UTP20: variants seen among roughly 807,000 people sequenced by gnomAD.
The protein encoded by UTP20 is UTP20 small subunit processome component.
A neutral mutation model predicts 329.5 loss-of-function variants in UTP20; 164 were observed. That is an observed-to-expected ratio of 0.50 (90% CI 0.44 to 0.57). UTP20 has a LOEUF of 0.57. UTP20 is among the 20% of genes least tolerant of loss of function. The pLI, the probability that UTP20 is intolerant of heterozygous loss-of-function variation, is 0.00. For missense variants in UTP20, 3,055 were observed against 3,284.2 expected (o/e 0.93, Z 1.71); for synonymous variants, 1,151 against 1,159.3 (o/e 0.99, Z 0.14).
intron 45 of UTP20, 66 bp downstream of exon 45, chr12:101,363,809 A>G: frequency 9.3e-7 from 1 of 1,069,906 alleles, no homozygotes; most frequent in South Asian, 1.4e-5. Flanking sequence ...AAAAGGAACC[A>G]TGCGGGGCAA....
chr12:101,364,509 A>G (rs1369999008), intron 45 of UTP20, among the ~76,000 whole-genome samples: 1 of 152,190 alleles, frequency 6.6e-6, no homozygotes, highest in Non-Finnish European at 1.5e-5. Flanking sequence ...AAGTCAGGGT[A>G]TAGGGTTTAG....
intron 49 of UTP20, 124 bp from the exon 50 acceptor site, chr12:101,370,307 CA>C: frequency 8.3e-7 from 1 of 1,202,822 alleles, no homozygotes; most frequent in Non-Finnish European, 1.1e-6. Context: ...AGTAATTTGC[CA>C]AGGCTAGAGG....
intron 26 of UTP20, among the ~76,000 whole-genome samples, chr12:101,328,037 G>T (rs1868627998): frequency 6.6e-6 from 1 of 152,172 alleles, no homozygotes; most frequent in African/African-American, 2.4e-5. Flanking sequence ...AGACCTTTCT[G>T]GTTATGAAAC....
intron 14 of UTP20, among the ~76,000 whole-genome samples, chr12:101,301,923 T>TTTAG (rs765727636): frequency 1.6e-4 from 24 of 149,900 alleles, no homozygotes; most frequent in Non-Finnish European, 2.9e-4. Context: ...CTTCTGAGTA[T>TTTAG]TTATTTATTT....
rs1872801580 is a variant in UTP20, at chr12:101,311,802, T to C, written c.2311+4T>C. 1.9e-6 allele frequency: 3 copies of C among 1,604,772 alleles called. No homozygotes were observed. The highest frequency in any genetic ancestry group is 2.3e-5 in the South Asian group (2 of 88,344). Reference sequence around the variant, plus strand: ...GAAAAAGCAGCTACGCATGCTGGTATGTAAAGGGGTTGTGAGGAAGCTGCG... The same window carrying C: ...GAAAAAGCAGCTACGCATGCTGGTACGTAAAGGGGTTGTGAGGAAGCTGCG... On this transcript the variant is annotated splice_donor_region_variant and intron_variant, in intron 20 of 61. Coordinates refer to ENST00000261637, the MANE Select transcript of UTP20 (RefSeq NM_014503.3).
chr12:101,347,875 C>T (rs1869382838), intron 38 of UTP20, among the ~76,000 whole-genome samples: 1 of 152,198 alleles, frequency 6.6e-6, no homozygotes. Flanking sequence ...GTCACCTAGG[C>T]TGGAGTGCAG....
chr12:101,326,137 T>C (rs1868543780), intron 25 of UTP20, among the ~76,000 whole-genome samples: 2 of 152,206 alleles, frequency 1.3e-5, no homozygotes, highest in Non-Finnish European at 2.9e-5. Context: ...TTAAAATGAT[T>C]ATATTAACTT....
rs1244743209 is a variant in UTP20, at chr12:101,285,848, T to C, written c.293T>C (p.Val98Ala). 1 of 1,613,862 alleles carries C rather than the reference T, an allele frequency of 6.2e-7. No individual in the cohort carries two copies. The highest frequency in any genetic ancestry group is 1.1e-5 in the South Asian group (1 of 91,056). The change falls in exon 4 of 62, where the codon GTT becomes GCT. Residue 98 changes from valine (V) to alanine (A), a missense_variant. Transcript: ENST00000261637. The part of the protein sequence containing the change: ...IVQSLKTHLQ[V>A]KNSFAYQPLL... The stretch of plus-strand genomic sequence containing the variant: ...CAGAGTTTGAAGACTCACCTGCAAG[T>C]TAAGAACAGTTTTGCCTATCAACCC...
intron 7 of UTP20, among the ~76,000 whole-genome samples, 189 bp from the exon 8 acceptor site, chr12:101,290,543 TA>T (rs1451783558): frequency 6.6e-6 from 1 of 152,222 alleles, no homozygotes; most frequent in African/African-American, 2.4e-5. Context: ...GGAACAGTTG[TA>T]ATGATAAAAT....
At chr12:101,367,225 C>T (rs540579165) in intron 47 of UTP20, among the ~76,000 whole-genome samples, 16 of 152,168 alleles carry the variant, frequency 1.1e-4, no homozygotes, top group African/African-American at 3.4e-4. Context: ...TTTGAGGCTG[C>T]AGTGAGCTAT....
Position 101,309,856 on chromosome 12 carries a change from TG to T in UTP20, c.2231+20del. ...ACTCATAAGGTAAACATGGGTTAAA[TG>T]GGATGAAACTATTATACTTTAACTA... On this transcript the variant is annotated intron_variant, in intron 19 of 61. Transcript: ENST00000261637. 1 of 1,606,928 alleles carries T rather than the reference TG, an allele frequency of 6.2e-7. No homozygotes were observed. Among genetic ancestry groups the T allele is most frequent in the Non-Finnish European group, 8.5e-7 (1 of 1,174,236 alleles).
At chr12:101,302,947 C>G (rs1282634211) in intron 15 of UTP20, among the ~76,000 whole-genome samples, 1 of 152,112 alleles carries the variant, frequency 6.6e-6, no homozygotes, top group African/African-American at 2.4e-5. Flanking sequence ...TCCCTGTGGT[C>G]TTTTTACTAC....
chr12:101,366,596 C>G lies in UTP20; in HGVS notation c.6164C>G (p.Pro2055Arg). ...VAPAPDPRLP[P>R]QSCLLLPPTP... ...CCAGCACCAGATCCACGTCTACCAC[C>G]CCAGAGCTGCCTTCTGCTTCCCCCA... Residue 2055 changes from proline to arginine, a missense_variant, in exon 47 of 62, where the codon CCC becomes CGC. Pro to Arg is a moderately radical substitution (Grantham distance 103). This residue lies in a region of UTP20 where 2,445 missense variants were observed against 2,575.5 expected (regional missense o/e 0.95). Transcript: ENST00000261637. 2 of 1,614,132 alleles carry G rather than the reference C, an allele frequency of 1.2e-6. No individual in the cohort carries two copies. The highest frequency in any genetic ancestry group is 1.7e-6 in the Non-Finnish European group (2 of 1,180,016).
rs1028360598 is a variant in UTP20, at chr12:101,311,808, G to T, written c.2311+10G>T. On this transcript the variant is annotated intron_variant, in intron 20 of 61. Transcript: ENST00000261637. ...GCAGCTACGCATGCTGGTATGTAAAGGGGTTGTGAGGAAGCTGCGAAGAAA... is the reference window on the plus strand; with the variant it reads ...GCAGCTACGCATGCTGGTATGTAAATGGGTTGTGAGGAAGCTGCGAAGAAA... 1 of 1,598,276 alleles carries T rather than the reference G, an allele frequency of 6.3e-7. No homozygotes were observed. Among genetic ancestry groups the T allele is most frequent in the Non-Finnish European group, 8.5e-7 (1 of 1,175,208 alleles).
chr12:101,329,430 T>A lies in UTP20; in HGVS notation c.3398T>A (p.Ile1133Asn), dbSNP rs1868681256. 1.9e-5 allele frequency: 30 copies of A among 1,612,306 alleles called. No homozygotes were observed. The highest frequency in any genetic ancestry group is 2.5e-5 in the Non-Finnish European group (30 of 1,178,472). ...LLCMTATVSH[I>N]LDQREKIQLR... The stretch of plus-strand genomic sequence containing the variant: ...TGTATGACAGCAACCGTATCACACA[T>A]CCTTGACCAACGAGAAAAGGTTAGA... The change falls in exon 27 of 62, where the codon ATC becomes AAC. Residue 1133 changes from isoleucine (I) to asparagine (N), a missense_variant. Physicochemically the swap from Ile to Asn is moderately radical, Grantham distance 149 (BLOSUM62 -3). Around this residue, in one of 3 missense-constraint regions of UTP20, gnomAD observed 2,445 missense variants for 2,575.5 expected, o/e 0.95. Transcript: ENST00000261637.
At position 101,369,911 on chromosome 12, in the gene UTP20, C is replaced by A. The variant is rs3759364; in HGVS notation, c.6555+20C>A. On this transcript the variant is annotated intron_variant, in intron 49 of 61. Transcript: ENST00000261637. Reference sequence around the variant, plus strand: ...TTCAAGGTGAGATGTCTTCACTTGCCCTTGGAAAAAGCCAGGATGGAGCTG... The same window carrying A: ...TTCAAGGTGAGATGTCTTCACTTGCACTTGGAAAAAGCCAGGATGGAGCTG... The A allele has an allele frequency of 0.084, 134,751 of 1,609,830 alleles. 24,142 individuals carry two copies. The highest frequency in any genetic ancestry group is 0.59 in the African/African-American group (44,094 of 74,680).
chr12:101,305,785 T>G, intron 15 of UTP20, 130 bp from the exon 16 acceptor site: 1 of 1,058,616 alleles, frequency 9.4e-7, no homozygotes. Flanking sequence ...GAGCCAGATA[T>G]CCACGTGAGA....
chr12:101,297,335 C>T (rs534351415), intron 12 of UTP20, among the ~76,000 whole-genome samples: 1 of 152,300 alleles, frequency 6.6e-6, no homozygotes, highest in South Asian at 2.1e-4. Context: ...CTCACTTGAG[C>T]CTCCCAGGTA....
At chr12:101,340,863 G>A (rs2137276471) in intron 32 of UTP20, among the ~76,000 whole-genome samples, 1 of 141,560 alleles carries the variant, frequency 7.1e-6, no homozygotes, top group Admixed American at 7.4e-5. Flanking sequence ...TATTTCCCTT[G>A]TTTAGCTTCT....
Sources: allele counts gnomAD v4.1 joint callset (sites outside exome capture counted in the v4.1 genomes callset), GRCh38; gene constraint gnomAD v4.1.1; regional missense constraint gnomAD v4.1.1; transcripts MANE v1.5; gene names NCBI Gene and HGNC (gene_info 2026-07-23, HGNC 2026-07-21).